ADGRL2: variants seen among roughly 807,000 people sequenced by gnomAD.
ADGRL2 encodes adhesion G protein-coupled receptor L2, also known as calcium-independent alpha-latrotoxin receptor 2.
Under a neutral mutation model 157.4 loss-of-function variants are expected in ADGRL2, and 44 were observed. That is an observed-to-expected ratio of 0.28 (90% CI 0.22 to 0.36). ADGRL2 has a LOEUF of 0.36. ADGRL2 is among the 10% of genes least tolerant of loss of function. The pLI, the probability that ADGRL2 is intolerant of heterozygous loss-of-function variation, is 1.00. For synonymous variants in ADGRL2, 585 were observed against 624.7 expected (o/e 0.94, Z 0.95); for missense variants, 1,510 against 1,768.9 (o/e 0.85, Z 2.63).
chr1:81,988,519 G>A (rs1478818447), intron 23 of ADGRL2: 1 of 151,818 alleles, frequency 6.6e-6, no homozygotes, highest in African/African-American at 2.4e-5. Context: ...AATTTATGAA[G>A]CTAGAGAATT....
At position 81,861,813 on chromosome 1, in the gene ADGRL2, G is replaced by T. The variant is rs202154964; in HGVS notation, c.73+24756G>T. 1.1e-4 allele frequency among the ~76,000 whole-genome samples: 16 copies of T among 152,100 alleles called. No individual in the cohort carries two copies. In the East Asian group the frequency reaches 2.7e-3, roughly 26 times the overall value. On this transcript the variant is annotated intron_variant, in intron 2 of 23. Transcript: ENST00000686636. ...GAGGCAGGAGAATTGAACCTGGGAG[G>T]TGGTGGCTGCAGTGAACTGAGATTG...
chr1:81,852,650 T>C (rs949781304), intron 2 of ADGRL2, among the ~76,000 whole-genome samples: 5 of 152,110 alleles, frequency 3.3e-5, no homozygotes, highest in Non-Finnish European at 4.4e-5. Context: ...TTCCTTTTTA[T>C]TTAGCATTTG....
chr1:81,435,148 T>C (rs536976851), intron 1 of ADGRL2, among the ~76,000 whole-genome samples: 9 of 152,198 alleles, frequency 5.9e-5, no homozygotes, highest in Non-Finnish European at 1.0e-4. Flanking sequence ...TTAAAAAATA[T>C]TAAAATAAAA....
intron 2 of ADGRL2, among the ~76,000 whole-genome samples, chr1:81,580,046 A>G (rs1406161227): frequency 6.6e-6 from 1 of 152,196 alleles, no homozygotes; most frequent in Non-Finnish European, 1.5e-5. Flanking sequence ...TTTCAAGTAG[A>G]TAAAAAGAGT....
At chr1:81,832,681 C>T (rs2092028965) in intron 1 of ADGRL2, among the ~76,000 whole-genome samples, 1 of 152,200 alleles carries the variant, frequency 6.6e-6, no homozygotes, top group Non-Finnish European at 1.5e-5. Flanking sequence ...TGACTAGTGG[C>T]TGGCCACGTG....
chr1:81,335,773 C>T (rs916608141), intron 1 of ADGRL2, among the ~76,000 whole-genome samples: 4 of 151,396 alleles, frequency 2.6e-5, no homozygotes, highest in African/African-American at 7.3e-5. Flanking sequence ...TTATTCTACA[C>T]GTATTAAATC....
At chr1:81,377,631 C>T (rs967143163) in intron 1 of ADGRL2, among the ~76,000 whole-genome samples, 1 of 152,018 alleles carries the variant, frequency 6.6e-6, no homozygotes, top group Non-Finnish European at 1.5e-5. Flanking sequence ...CGTCACCAGC[C>T]CACATCCAGG....
At chr1:81,476,459 C>G (rs1201975006) in intron 2 of ADGRL2, among the ~76,000 whole-genome samples, 3 of 152,152 alleles carry the variant, frequency 2.0e-5, no homozygotes, top group Non-Finnish European at 4.4e-5. Flanking sequence ...ATTATATTTA[C>G]CAAAGAAACA....
intron 1 of ADGRL2, among the ~76,000 whole-genome samples, chr1:81,739,630 A>T (rs563887618): frequency 1.3e-5 from 2 of 152,350 alleles, no homozygotes; most frequent in African/African-American, 2.4e-5. Context: ...TAAATATTAA[A>T]TAATTAAAAT....
intron 3 of ADGRL2, among the ~76,000 whole-genome samples, chr1:81,644,332 A>T (rs2082274968): frequency 1.3e-5 from 2 of 152,182 alleles, no homozygotes; most frequent in African/African-American, 2.4e-5. Flanking sequence ...AGAAGGAAAA[A>T]CAAAGGCATA....
intron 3 of ADGRL2, among the ~76,000 whole-genome samples, chr1:81,934,018 T>A (rs750186879): frequency 6.6e-6 from 1 of 152,120 alleles, no homozygotes; most frequent in Admixed American, 6.5e-5. Context: ...GAATATTTTT[T>A]ATATTTTGGG....
chr1:81,628,230 G>T (rs1570677545), intron 3 of ADGRL2, among the ~76,000 whole-genome samples: 1 of 152,276 alleles, frequency 6.6e-6, no homozygotes, highest in East Asian at 1.9e-4. Flanking sequence ...GTAAGAAAAT[G>T]TATTCTGAGG....
intron 2 of ADGRL2, among the ~76,000 whole-genome samples, chr1:81,528,444 G>A (rs986941683): frequency 2.6e-5 from 4 of 152,054 alleles, no homozygotes; most frequent in African/African-American, 9.6e-5. Context: ...TCAGGAGATC[G>A]AGACCATCCT....
intron 3 of ADGRL2, among the ~76,000 whole-genome samples, chr1:81,910,271 T>TAATAATAATAATAATAAC (rs772743285): frequency 3.1e-4 from 47 of 149,830 alleles, no homozygotes; most frequent in South Asian, 2.5e-3. Flanking sequence ...ATAATAATAA[T>TAATAATAATAATAATAAC]AATACTACAA....
At chr1:81,335,934 T>C (rs1217108919) in intron 1 of ADGRL2, among the ~76,000 whole-genome samples, 1 of 152,216 alleles carries the variant, frequency 6.6e-6, no homozygotes, top group South Asian at 2.1e-4. Flanking sequence ...AAATTTCTAC[T>C]TCAATCAATA....
intron 1 of ADGRL2, among the ~76,000 whole-genome samples, chr1:81,406,116 G>A (rs2076849920): frequency 6.6e-6 from 1 of 152,112 alleles, no homozygotes; most frequent in South Asian, 2.1e-4. Flanking sequence ...ACAAGAGGAG[G>A]TACACTCTTA....
intron 3 of ADGRL2, among the ~76,000 whole-genome samples, chr1:81,617,573 TAC>T (rs1443043481): frequency 6.6e-6 from 1 of 152,242 alleles, no homozygotes; most frequent in Non-Finnish European, 1.5e-5. Flanking sequence ...TGCTTTTGAG[TAC>T]TTGCTTTCCA....
At chr1:81,864,313 A>G (rs969879403) in intron 2 of ADGRL2, among the ~76,000 whole-genome samples, 1 of 354 alleles carries the variant, frequency 2.8e-3, no homozygotes, top group Non-Finnish European at 7.8e-3. Context: ...GTCAGCATAT[A>G]TATCAGTTGG....
intron 2 of ADGRL2, among the ~76,000 whole-genome samples, chr1:81,530,731 C>A (rs1488348799): frequency 6.6e-6 from 1 of 152,080 alleles, no homozygotes; most frequent in East Asian, 1.9e-4. Context: ...GTGACACGAG[C>A]AGTGTAGTAT....
Sources: gnomAD v4.1 joint callset for allele counts (sites outside exome capture counted in the v4.1 genomes callset) on GRCh38, gnomAD v4.1.1 for gene constraint, MANE v1.5 for transcripts, NCBI Gene and HGNC (gene_info 2026-07-23, HGNC 2026-07-21) for gene names.